Variants in GPHN observed in about 807,000 individuals in gnomAD.
The protein encoded by GPHN is gephyrin.
GPHN carries 17 observed loss-of-function variants against 95.5 expected under a neutral mutation model. The ratio of observed to expected loss-of-function variants is 0.18; its 90% CI spans 0.12 to 0.27. GPHN has a LOEUF of 0.27. Ranked by LOEUF, GPHN falls within the 10% of genes least tolerant of loss-of-function variation. The probability of loss-of-function intolerance (pLI) is 1.00; values close to 1 mark genes in which losing one functional copy is unlikely to be tolerated. For missense variants in GPHN, 660 were observed against 978.1 expected, an observed-to-expected ratio of 0.67 and a Z score of 4.34; for synonymous variants, 320 against 322.5, an observed-to-expected ratio of 0.99 and a Z score of 0.08.
At chr14:67,391,591 C>T in the GPHN span, among the ~76,000 whole-genome samples, 3 of 152,238 alleles carry the variant, frequency 2.0e-5, no homozygotes, top group South Asian at 2.1e-4. Context: ...GGAGTGGTGC[C>T]GAGCCGTGTA....
chr14:67,331,767 T>C, the GPHN span, among the ~76,000 whole-genome samples: 24 of 152,296 alleles, frequency 1.6e-4, no homozygotes, highest in South Asian at 8.3e-4. Context: ...TACCACAAAG[T>C]TTCAGTTCTC....
At chr14:67,464,293 G>T in the GPHN span, among the ~76,000 whole-genome samples, 4 of 152,248 alleles carry the variant, frequency 2.6e-5, no homozygotes, top group Admixed American at 1.3e-4. Flanking sequence ...GGGACCCCAG[G>T]CTCTCCCTGC....
chr14:66,932,184 C>G (rs2066834592), intron 8 of GPHN, among the ~76,000 whole-genome samples: 2 of 152,120 alleles, frequency 1.3e-5, no homozygotes, highest in East Asian at 1.9e-4. Flanking sequence ...GATTACCAGG[C>G]AGAGTCTTGT....
At chr14:66,967,493 C>A (rs1181788842) in intron 9 of GPHN, among the ~76,000 whole-genome samples, 3 of 151,818 alleles carry the variant, frequency 2.0e-5, no homozygotes, top group Non-Finnish European at 4.4e-5. Flanking sequence ...GGTTGAGTAT[C>A]CCTAATCCAA....
chr14:67,697,542 T>C, the GPHN span, among the ~76,000 whole-genome samples: 1 of 152,302 alleles, frequency 6.6e-6, no homozygotes, highest in Middle Eastern at 3.4e-3. Context: ...GATTTATATA[T>C]ATATATTAAC....
At chr14:66,851,349 T>TC (rs2062575212) in intron 4 of GPHN, among the ~76,000 whole-genome samples, 1 of 152,072 alleles carries the variant, frequency 6.6e-6, no homozygotes, top group Admixed American at 6.6e-5. Context: ...CAGATTACTT[T>TC]TTTTTTTTCA....
chr14:67,500,489 C>T, the GPHN span, among the ~76,000 whole-genome samples: 1 of 151,748 alleles, frequency 6.6e-6, no homozygotes, highest in African/African-American at 2.4e-5. Context: ...CAAAACAAAA[C>T]AAAAACAAAA....
the GPHN span, among the ~76,000 whole-genome samples, chr14:67,672,447 C>CTTTTTTT: frequency 1.9e-4 from 22 of 116,808 alleles, no homozygotes; most frequent in Non-Finnish European, 3.0e-4. Flanking sequence ...CTTTTCTTTT[C>CTTTTTTT]TTTTTTTTTT....
At chr14:66,849,290 G>A (rs1035669983) in intron 4 of GPHN, among the ~76,000 whole-genome samples, 2 of 151,826 alleles carry the variant, frequency 1.3e-5, no homozygotes, top group Admixed American at 6.6e-5. Flanking sequence ...TAAAAACTAT[G>A]AGTAATTTAA....
At chr14:67,454,925 G>A in the GPHN span, among the ~76,000 whole-genome samples, 1 of 151,670 alleles carries the variant, frequency 6.6e-6, no homozygotes, top group Non-Finnish European at 1.5e-5. Flanking sequence ...CCAGGCTAGA[G>A]TGCAACCTCT....
At chr14:67,188,165 G>A in the GPHN span, among the ~76,000 whole-genome samples, 1 of 152,144 alleles carries the variant, frequency 6.6e-6, no homozygotes, top group Non-Finnish European at 1.5e-5. Context: ...TCTCATGAGG[G>A]ACAAAGAGGG....
At chr14:67,145,470 A>G (rs938681585) in intron 18 of GPHN, among the ~76,000 whole-genome samples, 2 of 152,322 alleles carry the variant, frequency 1.3e-5, no homozygotes, top group Admixed American at 1.3e-4. Context: ...TACTCTCTGT[A>G]TAATAAGATA....
chr14:66,933,950 G>A (rs891910345), intron 8 of GPHN, among the ~76,000 whole-genome samples: 3 of 151,786 alleles, frequency 2.0e-5, no homozygotes, highest in Non-Finnish European at 2.9e-5. Context: ...ACCAACCCGG[G>A]CAACATGGCA....
At chr14:66,660,797 A>ACAGGG (rs372171241) in intron 1 of GPHN, among the ~76,000 whole-genome samples, 24 of 152,294 alleles carry the variant, frequency 1.6e-4, no homozygotes, top group African/African-American at 4.6e-4. Context: ...GAAGAGCAGG[A>ACAGGG]CAGGGCAGGG....
intron 1 of GPHN, among the ~76,000 whole-genome samples, chr14:66,622,592 C>G (rs532836854): frequency 6.6e-6 from 1 of 152,286 alleles, no homozygotes; most frequent in Non-Finnish European, 1.5e-5. Flanking sequence ...TTTAACAGCA[C>G]CCAAGTCATG....
At chr14:66,662,680 T>G (rs1266302891) in intron 1 of GPHN, among the ~76,000 whole-genome samples, 1 of 152,256 alleles carries the variant, frequency 6.6e-6, no homozygotes, top group East Asian at 1.9e-4. Context: ...ATGTTCATTC[T>G]GCTACAGCTG....
At chr14:67,650,871 C>T in the GPHN span, 2 of 1,614,198 alleles carry the variant, frequency 1.2e-6, no homozygotes, top group Non-Finnish European at 1.7e-6. Flanking sequence ...CAACTTCCTA[C>T]TCCCAGTTCA....
intron 1 of GPHN, among the ~76,000 whole-genome samples, chr14:66,640,638 TAA>T (rs1304144418): frequency 6.6e-6 from 1 of 152,190 alleles, no homozygotes; most frequent in East Asian, 1.9e-4. Context: ...ATTCAGAGAC[TAA>T]GTTTGACCTT....
At chr14:66,800,418 CTT>C (rs2060305301) in intron 3 of GPHN, among the ~76,000 whole-genome samples, 1 of 151,976 alleles carries the variant, frequency 6.6e-6, no homozygotes, top group Admixed American at 6.6e-5. Context: ...TTGGGAAAGT[CTT>C]TATTTCTTGT....
Sources: allele counts gnomAD v4.1 joint callset (sites outside exome capture counted in the v4.1 genomes callset), GRCh38; gene constraint gnomAD v4.1.1; transcripts MANE v1.5; gene names NCBI Gene and HGNC (gene_info 2026-07-23, HGNC 2026-07-21).